The following ARSG variants were observed in gnomAD, a reference collection of about 807,000 sequenced individuals.
ARSG encodes ASG.
Under a neutral mutation model 50.5 loss-of-function variants are expected in ARSG, and 37 were observed. That is an observed-to-expected ratio of 0.73 (90% CI 0.56 to 0.96). The LOEUF is 0.96. ARSG is among the 50% of genes least tolerant of loss of function. The pLI is 0.00. For missense variants in ARSG, 629 were observed against 675.3 expected (o/e 0.93, Z 0.76); for synonymous variants, 225 against 254.6 (o/e 0.88, Z 1.11).
chr17:68,431,458 T>C, the ARSG span, among the ~76,000 whole-genome samples: 2 of 151,924 alleles, frequency 1.3e-5, no homozygotes, highest in South Asian at 2.1e-4. Context: ...TGGTGGCTGC[T>C]GGGCTCTGCA....
downstream of ARSG, chr17:68,421,380 G>A (rs574416305): frequency 2.3e-5 from 4 of 173,032 alleles, no homozygotes; most frequent in East Asian, 5.9e-4. Context: ...CTGGCTAAAA[G>A]AGTCTCTCTC....
At chr17:68,437,983 G>A in the ARSG span, among the ~76,000 whole-genome samples, 8 of 107,028 alleles carry the variant, frequency 7.5e-5, no homozygotes, top group Non-Finnish European at 1.5e-4. Context: ...AGTGACTGGC[G>A]TCTATTACAA....
the ARSG span, among the ~76,000 whole-genome samples, chr17:68,448,838 A>T: frequency 6.6e-6 from 1 of 152,228 alleles, no homozygotes; most frequent in African/African-American, 2.4e-5. Flanking sequence ...CAAGAATTTC[A>T]TCTAAAAGCC....
intron 1 of ARSG, among the ~76,000 whole-genome samples, chr17:68,301,448 G>A (rs1451499991): frequency 1.3e-5 from 2 of 152,198 alleles, no homozygotes; most frequent in Non-Finnish European, 2.9e-5. Flanking sequence ...CCCAGGTGGT[G>A]CGAGTACAGG....
the ARSG span, among the ~76,000 whole-genome samples, chr17:68,441,274 CACAA>C: frequency 2.0e-5 from 3 of 152,314 alleles, no homozygotes; most frequent in South Asian, 2.1e-4. Context: ...ACGGGCATGA[CACAA>C]ACAGACAGAA....
At chr17:68,295,660 A>G (rs1361873827) in intron 1 of ARSG, among the ~76,000 whole-genome samples, 1 of 145,576 alleles carries the variant, frequency 6.9e-6, no homozygotes, top group African/African-American at 2.6e-5. Context: ...AAGACACCAC[A>G]TCTAAGACAA....
chr17:68,313,372 C>G (rs975426348), intron 2 of ARSG, among the ~76,000 whole-genome samples: 5 of 152,172 alleles, frequency 3.3e-5, no homozygotes, highest in Non-Finnish European at 7.3e-5. Flanking sequence ...GAATCCATTC[C>G]TTGCCTCTCT....
chr17:68,371,316 CA>C (rs35873473), intron 8 of ARSG, among the ~76,000 whole-genome samples: 274 of 86,148 alleles, frequency 3.2e-3, no homozygotes, highest in Middle Eastern at 5.5e-3. Context: ...GACTCCGTCT[CA>C]AAAAAAAAAA....
intron 6 of ARSG, among the ~76,000 whole-genome samples, chr17:68,360,487 G>T (rs559561075): frequency 6.6e-6 from 1 of 152,206 alleles, no homozygotes; most frequent in East Asian, 1.9e-4. Context: ...TTTTACTTGG[G>T]TCTTTAGTTG....
chr17:68,441,503 A>G, the ARSG span, among the ~76,000 whole-genome samples: 15 of 152,368 alleles, frequency 9.8e-5, no homozygotes, highest in East Asian at 2.5e-3. Context: ...CAGAAAATAA[A>G]CTAGAGGATG....
At chr17:68,401,208 G>A (rs951208055) in intron 10 of ARSG, 152 bp from the exon 11 acceptor site, 8 of 654,330 alleles carry the variant, frequency 1.2e-5, no homozygotes, top group Non-Finnish European at 1.4e-5. Context: ...TTTTTTTGTA[G>A]GGAGGGGTCT....
chr17:68,362,212 C>G (rs927973761), intron 6 of ARSG, among the ~76,000 whole-genome samples: 1 of 151,978 alleles, frequency 6.6e-6, no homozygotes, highest in Non-Finnish European at 1.5e-5. Context: ...CCTAAGTGCC[C>G]CTGCTGTGGT....
downstream of ARSG, chr17:68,424,549 G>A (rs1343848023): frequency 1.9e-6 from 1 of 528,132 alleles, no homozygotes; most frequent in Non-Finnish European, 3.9e-6. Context: ...CTCCTCTCTG[G>A]CTCTAGGAGC....
At chr17:68,442,538 C>T in the ARSG span, among the ~76,000 whole-genome samples, 5 of 151,964 alleles carry the variant, frequency 3.3e-5, no homozygotes, top group Admixed American at 3.3e-4. Flanking sequence ...ACCCTGTCCT[C>T]TGGGGGTCAA....
intron 1 of ARSG, among the ~76,000 whole-genome samples, chr17:68,260,145 G>A (rs1352535822): frequency 1.3e-5 from 2 of 152,208 alleles, no homozygotes; most frequent in African/African-American, 4.8e-5. Context: ...GAGTCGTAAA[G>A]CATTAATAAT....
At chr17:68,383,781 G>A (rs1332095031) in intron 8 of ARSG, among the ~76,000 whole-genome samples, 4 of 152,178 alleles carry the variant, frequency 2.6e-5, no homozygotes, top group Admixed American at 2.0e-4. Flanking sequence ...TCGATAGGAA[G>A]GATGTATTAG....
intron 2 of ARSG, among the ~76,000 whole-genome samples, chr17:68,314,083 A>T (rs2076974388): frequency 6.6e-6 from 1 of 152,190 alleles, no homozygotes; most frequent in African/African-American, 2.4e-5. Context: ...AGAGGGCAGG[A>T]GCCAGACAGT....
rs2147611580 is a variant in ARSG at position 68,420,323 on chromosome 17, C to T, written c.1438C>T (p.Pro480Ser). The change falls in exon 12 of 12, where the codon CCC (proline) becomes TCC (serine). Residue 480 changes from proline (P) to serine (S), a missense_variant. Pro to Ser is a moderately conservative substitution (Grantham distance 74, BLOSUM62 -1). Coordinates refer to ENST00000621439, the MANE Select transcript of ARSG (RefSeq NM_001267727.2). ...TGGTGCGGAGTACCAGGCTGTGCTGCCCGAGGTCAGAAAGGTTCTTGCAGA... is the reference window on the plus strand; with the variant it reads ...TGGTGCGGAGTACCAGGCTGTGCTGTCCGAGGTCAGAAAGGTTCTTGCAGA... ...RGGAEYQAVLPEVRKVLADVL... is the reference protein window; with the variant it reads ...RGGAEYQAVLSEVRKVLADVL... 6.2e-7 allele frequency: 1 copy of T among 1,614,114 alleles called. No homozygotes were observed. The highest frequency in any genetic ancestry group is 1.3e-5 in the African/African-American group (1 of 75,028).
At chr17:68,366,452 C>T (rs1364157018) in intron 6 of ARSG, among the ~76,000 whole-genome samples, 1 of 152,142 alleles carries the variant, frequency 6.6e-6, no homozygotes, top group Non-Finnish European at 1.5e-5. Flanking sequence ...AGATTGTAAG[C>T]TGGAAATAAG....
Sources: gnomAD v4.1 joint callset for allele counts (sites outside exome capture counted in the v4.1 genomes callset) on GRCh38, gnomAD v4.1.1 for gene constraint, MANE v1.5 for transcripts, NCBI Gene and HGNC (gene_info 2026-07-23, HGNC 2026-07-21) for gene names.